Variants in PLGRKT observed in about 807,000 individuals in gnomAD.
The protein encoded by PLGRKT is plasminogen receptor (KT).
PLGRKT carries 22 observed loss-of-function variants against 18.5 expected under a neutral mutation model. That is an observed-to-expected ratio of 1.19 (90% CI 0.85 to 1.70). The LOEUF (loss-of-function observed/expected upper bound fraction) is 1.70. Among genes scored for constraint, PLGRKT ranks in the 40% most tolerant of loss-of-function variants. The pLI is 0.00. For synonymous variants in PLGRKT, 72 were observed against 52.8 expected (o/e 1.36, Z -1.58); for missense variants, 235 against 174.4 (o/e 1.35, Z -1.96).
intron 3 of PLGRKT, among the ~76,000 whole-genome samples, chr9:5,399,605 A>G (rs1818117612): frequency 6.6e-6 from 1 of 151,954 alleles, no homozygotes; most frequent in Non-Finnish European, 1.5e-5. Context: ...TAAAATATCT[A>G]ACCTAATAAA....
intron 3 of PLGRKT, 149 bp from the exon 4 acceptor site, chr9:5,362,037 C>T: frequency 1.4e-6 from 1 of 714,052 alleles, no homozygotes; most frequent in Non-Finnish European, 2.3e-6. Context: ...ACTAAAGTTC[C>T]TTTGGACAGC....
intron 3 of PLGRKT, among the ~76,000 whole-genome samples, chr9:5,379,660 TA>T (rs1283612790): frequency 6.6e-6 from 1 of 152,108 alleles, no homozygotes; most frequent in Non-Finnish European, 1.5e-5. Flanking sequence ...TAAATACAAA[TA>T]AAAAATACAT....
At chr9:5,412,132 C>T (rs1818377452) in intron 3 of PLGRKT, among the ~76,000 whole-genome samples, 1 of 151,912 alleles carries the variant, frequency 6.6e-6, no homozygotes, top group South Asian at 2.1e-4. Context: ...ATTAGAGTGT[C>T]CAGAAACAAA....
chr9:5,358,480 A>C, intron 5 of PLGRKT, 120 bp from the exon 6 acceptor site: 3 of 712,352 alleles, frequency 4.2e-6, no homozygotes, highest in Non-Finnish European at 6.8e-6. Context: ...CCCCAATCTC[A>C]CACTTAAACA....
At chr9:5,434,336 CG>C (rs1818912081) in intron 2 of PLGRKT, among the ~76,000 whole-genome samples, 4 of 144,820 alleles carry the variant, frequency 2.8e-5, no homozygotes, top group African/African-American at 7.8e-5. Context: ...CTGGCCACCC[CG>C]TCTGGGAGGT....
intron 3 of PLGRKT, among the ~76,000 whole-genome samples, chr9:5,365,059 C>T (rs1300510103): frequency 6.6e-6 from 1 of 152,118 alleles, no homozygotes; most frequent in African/African-American, 2.4e-5. Context: ...CAATAACAAC[C>T]CCTTGCAAAC....
At chr9:5,415,256 A>T (rs1485059002) in intron 3 of PLGRKT, among the ~76,000 whole-genome samples, 1 of 152,232 alleles carries the variant, frequency 6.6e-6, no homozygotes, top group Non-Finnish European at 1.5e-5. Context: ...CTGGGCCGCA[A>T]AATAAATAAT....
At chr9:5,428,738 A>G (rs1434409378) in intron 3 of PLGRKT, among the ~76,000 whole-genome samples, 3 of 152,274 alleles carry the variant, frequency 2.0e-5, no homozygotes, top group East Asian at 3.9e-4. Flanking sequence ...CGCTCTGTCA[A>G]CCAGGCTGGA....
intron 3 of PLGRKT, among the ~76,000 whole-genome samples, chr9:5,378,418 C>T (rs1450762871): frequency 2.0e-5 from 3 of 152,102 alleles, no homozygotes; most frequent in Admixed American, 6.5e-5. Context: ...GTGATAACAC[C>T]GCACACAATA....
chr9:5,406,533 C>G (rs1247199925), intron 3 of PLGRKT, among the ~76,000 whole-genome samples: 1 of 150,630 alleles, frequency 6.6e-6, no homozygotes, highest in African/African-American at 2.4e-5. Context: ...ACTGCATGTT[C>G]TCTTATAAGT....
In PLGRKT at chr9:5,361,810, G is replaced by C; in HGVS notation, c.160C>G (p.Leu54Val). The change falls in exon 4 of 6, where the codon CTC (leucine) becomes GTC (valine). Residue 54 changes from leucine (L) to valine (V), a missense_variant. Coordinates refer to ENST00000223864, the MANE Select transcript of PLGRKT (RefSeq NM_018465.4). ...AMQIAWSREF[L>V]KYFGTFFGLA... ...CCAAAAAAAGTTCCAAAATATTTGA[G>C]GAATTCCCGAGACCACGCAATCTGC... 1 of 1,613,258 alleles carries C rather than the reference G, an allele frequency of 6.2e-7. No individual in the cohort carries two copies.
At chr9:5,434,413 C>A (rs1226464843) in intron 2 of PLGRKT, among the ~76,000 whole-genome samples, 1 of 146,744 alleles carries the variant, frequency 6.8e-6, no homozygotes, top group Non-Finnish European at 1.5e-5. Context: ...GCCGCCACCC[C>A]GTCTGGGAAG....
At chr9:5,374,603 T>TCACATA (rs1233455880) in intron 3 of PLGRKT, among the ~76,000 whole-genome samples, 4 of 152,204 alleles carry the variant, frequency 2.6e-5, no homozygotes, top group Non-Finnish European at 5.9e-5. Flanking sequence ...ATTCTAGTTC[T>TCACATA]ATTATGTGAT....
chr9:5,393,535 C>G (rs1817988778), intron 3 of PLGRKT, among the ~76,000 whole-genome samples: 1 of 151,708 alleles, frequency 6.6e-6, no homozygotes, highest in African/African-American at 2.4e-5. Flanking sequence ...CAACATTAGT[C>G]ATTTTACTCA....
intron 3 of PLGRKT, among the ~76,000 whole-genome samples, chr9:5,385,158 T>C (rs1253090172): frequency 6.6e-6 from 1 of 152,216 alleles, no homozygotes. Context: ...GTGTGATTAA[T>C]ATTATTTCAA....
chr9:5,424,679 T>TATATATATATATATATATATATAC (rs1477900525), intron 3 of PLGRKT, among the ~76,000 whole-genome samples: 1 of 103,910 alleles, frequency 9.6e-6, no homozygotes, highest in African/African-American at 4.5e-5. Flanking sequence ...TATATATATA[T>TATATATATATATATATATATATAC]ATATATATAT....
intron 3 of PLGRKT, among the ~76,000 whole-genome samples, chr9:5,428,529 G>A (rs766670852): frequency 1.3e-5 from 2 of 152,174 alleles, no homozygotes; most frequent in Non-Finnish European, 2.9e-5. Context: ...CTCTCCAGAG[G>A]CCAGAGAACA....
chr9:5,401,146 T>G (rs12000115), intron 3 of PLGRKT, among the ~76,000 whole-genome samples: 1,885 of 151,982 alleles, frequency 0.012, 68 homozygotes, highest in African/African-American at 0.044. Context: ...ATTTAAGTCT[T>G]TCATTTTCAA....
At chr9:5,422,469 G>A (rs1284651333) in intron 3 of PLGRKT, among the ~76,000 whole-genome samples, 1 of 152,148 alleles carries the variant, frequency 6.6e-6, no homozygotes, top group Admixed American at 6.5e-5. Flanking sequence ...ACATTCCATA[G>A]AACAGATGAG....
Sources: allele counts gnomAD v4.1 joint callset (sites outside exome capture counted in the v4.1 genomes callset), GRCh38; gene constraint gnomAD v4.1.1; transcripts MANE v1.5; gene names NCBI Gene and HGNC (gene_info 2026-07-23, HGNC 2026-07-21).